Variants in RYR3 observed in about 807,000 individuals in gnomAD.
RYR3 encodes the protein brain ryanodine receptor-calcium release channel.
In RYR3, 207 loss-of-function variants were observed where a neutral mutation model predicts 584.3. The ratio of observed to expected loss-of-function variants is 0.35; its 90% CI spans 0.32 to 0.40. RYR3 has a LOEUF of 0.40. Ranked by LOEUF, RYR3 falls within the 10% of genes least tolerant of loss-of-function variation. The pLI, the probability that RYR3 is intolerant of heterozygous loss-of-function variation, is 1.00. For synonymous variants in RYR3, 2,416 were observed against 2,248.5 expected, an observed-to-expected ratio of 1.07 and a Z score of -2.11; for missense variants, 5,616 against 6,089.2, an observed-to-expected ratio of 0.92 and a Z score of 2.59.
chr15:33,663,218 T>C (rs1362609460), intron 35 of RYR3, among the ~76,000 whole-genome samples: 1 of 152,150 alleles, frequency 6.6e-6, no homozygotes, highest in Non-Finnish European at 1.5e-5. Context: ...CTACTTTCCA[T>C]CCTCCAGGAC....
At chr15:33,586,184 GTTTTACT>G in intron 16 of RYR3, 68 bp downstream of exon 16, 1 of 902,340 alleles carries the variant, frequency 1.1e-6, no homozygotes, top group Non-Finnish European at 1.9e-6. Context: ...TGACCATTGT[GTTTTACT>G]GAGAGCATGT....
Position 33,755,147 on chromosome 15 carries a change from G to A in RYR3, c.8482G>A (p.Val2828Ile), listed in dbSNP as rs532931661. ...GTTCTTGAAGAAGATCCTGAAATAC[G>A]TTGATTCTGCTCAAGAATTTATTGC... ...YKFLKKILKY[V>I]DSAQEFIAHL... is the part of the protein sequence containing the mutation. The change falls in exon 58 of 104, where the codon GTT becomes ATT. Residue 2828 changes from valine (V) to isoleucine (I), a missense_variant. Coordinates refer to ENST00000634891, the MANE Select transcript of RYR3 (RefSeq NM_001036.6). 13 of 1,611,410 alleles carry A rather than the reference G, an allele frequency of 8.1e-6. No individual in the cohort carries two copies. Among genetic ancestry groups the A allele is most frequent in the South Asian group, 7.7e-5 (7 of 90,736 alleles).
chr15:33,679,428 G>A (rs2064426567), intron 38 of RYR3, among the ~76,000 whole-genome samples: 1 of 152,126 alleles, frequency 6.6e-6, no homozygotes, highest in Non-Finnish European at 1.5e-5. Context: ...AAAGCAAGCT[G>A]GGTACCATCA....
At chr15:33,320,639 C>T (rs568690234) in intron 1 of RYR3, among the ~76,000 whole-genome samples, 2 of 152,234 alleles carry the variant, frequency 1.3e-5, no homozygotes, top group Admixed American at 1.3e-4. Context: ...AAAGGTATGA[C>T]CTTGGGGAAG....
chr15:33,726,749 AT>A (rs989088208), intron 46 of RYR3, among the ~76,000 whole-genome samples: 5 of 152,228 alleles, frequency 3.3e-5, no homozygotes, highest in Non-Finnish European at 7.3e-5. Flanking sequence ...GCATTTGCCC[AT>A]TTCTGTGGTA....
Position 33,696,341 on chromosome 15 carries a change from A to G in RYR3, c.5984A>G (p.Glu1995Gly). 6.2e-7 allele frequency: 1 copy of G among 1,613,322 alleles called. No homozygotes were observed. The highest frequency in any genetic ancestry group is 8.5e-7 in the Non-Finnish European group (1 of 1,179,758). Residue 1995 changes from glutamate to glycine, a missense_variant, in exon 39 of 104, where the codon GAG becomes GGG. Around this residue, in one of 9 missense-constraint regions of RYR3, gnomAD observed 1,280 missense variants for 1,426.2 expected, o/e 0.90. Transcript: ENST00000634891. ...LLRRQYDSIG[E>G]LLQALRKTYT... ...CGGAGGCAGTATGACAGCATTGGGG[A>G]GCTGCTGCAGGCGCTGCGGAAGACC...
At chr15:33,595,313 A>G (rs684678) in intron 16 of RYR3, among the ~76,000 whole-genome samples, 68,869 of 152,026 alleles carry the variant, frequency 0.45, 16,102 homozygotes, top group East Asian at 0.79. Context: ...TCAAACTTTT[A>G]TAAACAATTT....
intron 1 of RYR3, among the ~76,000 whole-genome samples, chr15:33,344,630 T>C (rs1972218637): frequency 1.3e-5 from 2 of 152,164 alleles, no homozygotes; most frequent in Admixed American, 6.5e-5. Flanking sequence ...CTCAAGTGTT[T>C]CCACTGGACT....
At chr15:33,857,071 T>C (rs1192068877) in intron 98 of RYR3, among the ~76,000 whole-genome samples, 1 of 152,216 alleles carries the variant, frequency 6.6e-6, no homozygotes, top group Non-Finnish European at 1.5e-5. Context: ...TCACAGCACC[T>C]GCACTATTCA....
At position 33,798,096 on chromosome 15, in the gene RYR3, A is replaced by ATTTT. The variant is rs76914470; in HGVS notation, c.9831-2669_9831-2666dup. Reference sequence around the variant, plus strand: ...TTGTCTGTCTGTCTTTTATTTATTTATTTTTTTTGAGATGGAGTCTTGCTC... The same window carrying ATTTT: ...TTGTCTGTCTGTCTTTTATTTATTTATTTTTTTTTTTTGAGATGGAGTCTTGCTC... On this transcript the variant is annotated intron_variant, in intron 67 of 103. Coordinates refer to ENST00000634891, the MANE Select transcript of RYR3 (RefSeq NM_001036.6). Among the ~76,000 whole-genome samples, 154 of 151,168 alleles carry ATTTT rather than the reference A, an allele frequency of 1.0e-3. 2 individuals carry two copies. Among genetic ancestry groups the ATTTT allele is most frequent in the Middle Eastern group, 6.8e-3 (2 of 294 alleles).
At position 33,495,403 on chromosome 15, in the gene RYR3, G is replaced by A. The variant is rs553246725; in HGVS notation, c.172-8228G>A. Among the ~76,000 whole-genome samples the A allele has an allele frequency of 2.9e-4, 44 of 152,284 alleles. 1 individual carries two copies. In the South Asian group the frequency reaches 9.1e-3, roughly 32 times the overall value. On this transcript the variant is annotated intron_variant, in intron 2 of 103. Transcript: ENST00000634891. ...AAATGTTCATCCCAGCGGTGTGATT[G>A]TGGGGAAGTGTTTCAGTCTTTCTGA... is the stretch of plus-strand genomic sequence containing the variant.
intron 57 of RYR3, among the ~76,000 whole-genome samples, chr15:33,754,497 A>G (rs917004567): frequency 1.6e-4 from 25 of 152,240 alleles, no homozygotes; most frequent in Middle Eastern, 3.4e-3. Context: ...CTATTTCCCC[A>G]GATGTCCATA....
At chr15:33,439,111 TA>T (rs1490091755) in intron 1 of RYR3, among the ~76,000 whole-genome samples, 1 of 152,228 alleles carries the variant, frequency 6.6e-6, no homozygotes, top group Non-Finnish European at 1.5e-5. Flanking sequence ...TAAATTTTTT[TA>T]AAATTTTGTT....
At chr15:33,605,348 C>T (rs1273309865) in intron 18 of RYR3, among the ~76,000 whole-genome samples, 1 of 152,112 alleles carries the variant, frequency 6.6e-6, no homozygotes, top group Admixed American at 6.5e-5. Context: ...TGTACAGTTC[C>T]CCATCCTCTC....
chr15:33,865,298 C>A lies in RYR3; in HGVS notation c.*72C>A. 2 of 1,007,956 alleles carry A rather than the reference C, an allele frequency of 2.0e-6. No individual in the cohort carries two copies. The highest frequency in any genetic ancestry group is 1.5e-5 in the South Asian group (1 of 68,768). The allele number at this position is 1,007,956 out of a possible 1,614,324, so 62.4% of individuals were successfully genotyped here. A position where few individuals can be genotyped will look rare whatever the true frequency, so the allele number is the denominator to read the frequency against. ...GAAATAAAGTCCCCTTTTTACAGTT[C>A]TGCAACATATCTGAAATGTGACATT... On this transcript the variant is annotated 3_prime_UTR_variant, in exon 104 of 104. Transcript: ENST00000634891.
intron 18 of RYR3, 47 bp downstream of exon 18, chr15:33,603,411 T>C: frequency 6.6e-7 from 1 of 1,504,488 alleles, no homozygotes; most frequent in East Asian, 2.3e-5. Context: ...CTGGAAATGA[T>C]GGAGGCTCAA....
Position 33,707,053 on chromosome 15 carries a change from C to T in RYR3, c.6618C>T (p.Asn2206=). 6.2e-7 allele frequency: 1 copy of T among 1,613,874 alleles called. No individual in the cohort carries two copies. The highest frequency in any genetic ancestry group is 8.5e-7 in the Non-Finnish European group (1 of 1,179,816). ...LSFLRFAVFV[N]SESVEENASV... is the part of the protein sequence containing the mutation. ...TCCTGAGGTTTGCTGTCTTCGTGAA[C>T]AGTGAGTCCCACATTTTTCCATACC... The change falls in exon 43 of 104, where the codon AAC becomes AAT. Residue 2206 remains asparagine (N), a splice_region_variant and synonymous_variant. Transcript: ENST00000634891.
chr15:33,384,016 A>G (rs1469532302), intron 1 of RYR3, among the ~76,000 whole-genome samples: 1 of 152,182 alleles, frequency 6.6e-6, no homozygotes, highest in Non-Finnish European at 1.5e-5. Flanking sequence ...AAGAACAGAA[A>G]ACTAAATACC....
chr15:33,524,406 A>T (rs539195387), intron 3 of RYR3, among the ~76,000 whole-genome samples: 1 of 152,318 alleles, frequency 6.6e-6, no homozygotes, highest in South Asian at 2.1e-4. Flanking sequence ...CTCATAATTT[A>T]CTAGGTAATA....
Sources: allele counts gnomAD v4.1 joint callset (sites outside exome capture counted in the v4.1 genomes callset), GRCh38; gene constraint gnomAD v4.1.1; regional missense constraint gnomAD v4.1.1; transcripts MANE v1.5; gene names NCBI Gene and HGNC (gene_info 2026-07-23, HGNC 2026-07-21).